IL31RA: variants seen among roughly 807,000 people sequenced by gnomAD.
The protein encoded by IL31RA is interleukin 31 receptor A.
IL31RA carries 66 observed loss-of-function variants against 83.7 expected under a neutral mutation model. The ratio of observed to expected loss-of-function variants is 0.79; its 90% CI spans 0.65 to 0.97. The LOEUF is 0.97. IL31RA is among the 50% of genes least tolerant of loss of function. The pLI, the probability that IL31RA is intolerant of heterozygous loss-of-function variation, is 0.00. For missense variants in IL31RA, 798 were observed against 919.4 expected (o/e 0.87, Z 1.71); for synonymous variants, 325 against 329.0 (o/e 0.99, Z 0.13).
At chr5:55,899,823 T>C in intron 7 of IL31RA, 93 bp from the exon 8 acceptor site, 2 of 834,402 alleles carry the variant, frequency 2.4e-6, no homozygotes, top group East Asian at 5.1e-5. Context: ...TAGTTAGCCT[T>C]ATTCCCCACC....
Position 55,851,482 on chromosome 5 carries a change from C to T in IL31RA, c.-89C>T. The T allele has an allele frequency of 6.2e-7, 1 of 1,612,388 alleles. No homozygotes were observed. The highest frequency in any genetic ancestry group is 8.5e-7 in the Non-Finnish European group (1 of 1,178,836). On this transcript the variant is annotated 5_prime_UTR_variant, in exon 1 of 15. Coordinates refer to ENST00000652347, the MANE Select transcript of IL31RA (RefSeq NM_139017.7). ...AAAAAAATAGTAATAACCAGCATGG[C>T]ACTAAATAGACCATGAAAAGACATG...
upstream of IL31RA, among the ~76,000 whole-genome samples, chr5:55,849,695 C>A (rs142013447): frequency 1.3e-5 from 2 of 152,294 alleles, no homozygotes; most frequent in Non-Finnish European, 2.9e-5. Flanking sequence ...CCTCCTTGAG[C>A]CTGGCGTCTG....
chr5:55,917,190 C>T lies in IL31RA; in HGVS notation c.*70C>T, dbSNP rs900645105. 1.4e-4 allele frequency: 232 copies of T among 1,609,266 alleles called. 2 individuals carry two copies. The highest frequency in any genetic ancestry group is 1.2e-3 in the South Asian group (111 of 90,620). On this transcript the variant is annotated 3_prime_UTR_variant, in exon 15 of 15. Coordinates refer to ENST00000652347, the MANE Select transcript of IL31RA (RefSeq NM_139017.7). ...CCTTGCCAGAGAAGATGTCAAGACT[C>T]GGCACGCAGCGCTTGCTTGGCCCTG...
At chr5:55,902,870 T>C (rs777738673) in intron 8 of IL31RA, among the ~76,000 whole-genome samples, 4 of 152,322 alleles carry the variant, frequency 2.6e-5, no homozygotes, top group Middle Eastern at 3.4e-3. Context: ...CTGTGAGATC[T>C]ATTTTATAGA....
At chr5:55,890,847 G>A (rs908835981) in intron 6 of IL31RA, among the ~76,000 whole-genome samples, 2 of 152,192 alleles carry the variant, frequency 1.3e-5, no homozygotes, top group African/African-American at 4.8e-5. Context: ...TGCTTACTAA[G>A]TGTCAGTATG....
rs1364585562 is a variant in IL31RA at position 55,859,521 on chromosome 5, C to T, written c.76C>T (p.Pro26Ser). The T allele has an allele frequency of 6.2e-7, 1 of 1,613,372 alleles. No homozygotes were observed. Among genetic ancestry groups the T allele is most frequent in the Non-Finnish European group, 8.5e-7 (1 of 1,179,316 alleles). The change falls in exon 2 of 15, where the codon CCT becomes TCT. Residue 26 changes from proline to serine, a missense_variant. Pro to Ser is a moderately conservative substitution (Grantham distance 74). Transcript: ENST00000652347. ...ATGTCATTTTCAGCTCTCTCCCCAGCCTTCATGTGTTAACCTGGGGATGAT... is the reference window on the plus strand; with the variant it reads ...ATGTCATTTTCAGCTCTCTCCCCAGTCTTCATGTGTTAACCTGGGGATGAT... ...ECPQNILSPQ[P>S]SCVNLGMMWT...
At chr5:55,854,842 G>T (rs1347561939) in intron 1 of IL31RA, among the ~76,000 whole-genome samples, 1 of 151,934 alleles carries the variant, frequency 6.6e-6, no homozygotes, top group African/African-American at 2.4e-5. Flanking sequence ...TACCTGAAGG[G>T]TGACAAGAAT....
At position 55,917,086 on chromosome 5, in the gene IL31RA, A is replaced by C. The variant is rs187021031; in HGVS notation, c.2261A>C (p.Glu754Ala). ...ACAGCCAGGGAATTTCTTGTGTCTGAAAAACTTCCAGAGCACACCAAGGGA... is the reference window on the plus strand; with the variant it reads ...ACAGCCAGGGAATTTCTTGTGTCTGCAAAACTTCCAGAGCACACCAAGGGA... ...SVTAREFLVS[E>A]KLPEHTKGEV Residue 754 changes from glutamate to alanine, a missense_variant, in exon 15 of 15, where the codon GAA (glutamate) becomes GCA (alanine). Coordinates refer to ENST00000652347, the MANE Select transcript of IL31RA (RefSeq NM_139017.7). The C allele has an allele frequency of 8.1e-6, 13 of 1,614,204 alleles. No homozygotes were observed. In the Admixed American group the frequency reaches 1.3e-4, roughly 17 times the overall value.
rs181448657 is a variant in IL31RA at position 55,857,565 on chromosome 5, T to C, written c.64-1944T>C. On this transcript the variant is annotated intron_variant, in intron 1 of 14. Transcript: ENST00000652347. ...GCTCATTTCTCTTTTTAGATGCTCT[T>C]TGCGCTCATTTCACTATTGTAACTA... Among the ~76,000 whole-genome samples, 5 of 152,304 alleles carry C rather than the reference T, an allele frequency of 3.3e-5. No homozygotes were observed. In the East Asian group the frequency reaches 9.6e-4, roughly 29 times the overall value.
rs559019824 is a variant in IL31RA at position 55,920,121 on chromosome 5, A to C, written c.*3001A>C. Among the ~76,000 whole-genome samples the C allele has an allele frequency of 6.6e-6, 1 of 152,354 alleles. No homozygotes were observed. The highest frequency in any genetic ancestry group is 1.9e-4 in the East Asian group (1 of 5,194). On this transcript the variant is annotated 3_prime_UTR_variant, in exon 15 of 15. Coordinates refer to ENST00000652347, the MANE Select transcript of IL31RA (RefSeq NM_139017.7). Reference sequence around the variant, plus strand: ...CACAAGTTCCTTCTGGTGTCTTGGGAGGCAGCGGTGTGAAAACACCACGCA... The same window carrying C: ...CACAAGTTCCTTCTGGTGTCTTGGGCGGCAGCGGTGTGAAAACACCACGCA...
chr5:55,904,835 C>CTTTTTTTT (rs10651049), intron 8 of IL31RA, among the ~76,000 whole-genome samples: 1 of 132,892 alleles, frequency 7.5e-6, no homozygotes, highest in African/African-American at 2.8e-5. Flanking sequence ...TTTTGGGTTT[C>CTTTTTTTT]TTTTTTTTTT....
chr5:55,913,645 TAGGAG>T, intron 13 of IL31RA, 75 bp downstream of exon 13: 1 of 886,716 alleles, frequency 1.1e-6, no homozygotes, highest in Middle Eastern at 2.1e-4. Context: ...AGGTGCTTCG[TAGGAG>T]AGGGCACTCT....
At chr5:55,881,660 C>T (rs1432941413) in intron 4 of IL31RA, among the ~76,000 whole-genome samples, 2 of 150,942 alleles carry the variant, frequency 1.3e-5, no homozygotes, top group African/African-American at 2.4e-5. Flanking sequence ...ACCAGTTAAA[C>T]TCTGCCATTT....
intron 4 of IL31RA, among the ~76,000 whole-genome samples, chr5:55,876,406 A>G (rs1049757110): frequency 7.9e-5 from 12 of 152,142 alleles, no homozygotes; most frequent in African/African-American, 2.9e-4. Context: ...TTCCATCTCA[A>G]AAAATATATA....
rs757487538 is a variant in IL31RA, at chr5:55,890,135, G to A, written c.772G>A (p.Ala258Thr). The change falls in exon 6 of 15, where the codon GCT becomes ACT. Residue 258 changes from alanine (A) to threonine (T), a missense_variant and splice_region_variant. Ala to Thr is a moderately conservative substitution (Grantham distance 58). Coordinates refer to ENST00000652347, the MANE Select transcript of IL31RA (RefSeq NM_139017.7). Reference protein sequence around the residue: ...QEKMGMTEEEAPCGLELWRVL... With the variant: ...QEKMGMTEEETPCGLELWRVL... ...AAAAATGGGAATGACTGAGGAAGAA[G>A]GCAAGCTACTCCCTGCGATTCCCGT... 1 of 1,613,652 alleles carries A rather than the reference G, an allele frequency of 6.2e-7. No homozygotes were observed. The highest frequency in any genetic ancestry group is 1.7e-5 in the Admixed American group (1 of 59,996).
rs1199509328 is a variant in IL31RA, at chr5:55,851,561, T to G, written c.-10T>G. ...AGGCAGAGTGTCAGCTTGTTCCACC[T>G]CAGCTGGGAATGTGCATCAGGCAAC... On this transcript the variant is annotated 5_prime_UTR_variant, in exon 1 of 15. Transcript: ENST00000652347. 1 of 1,613,902 alleles carries G rather than the reference T, an allele frequency of 6.2e-7. No homozygotes were observed. The highest frequency in any genetic ancestry group is 8.5e-7 in the Non-Finnish European group (1 of 1,179,906).
chr5:55,858,582 A>G (rs1281243361), intron 1 of IL31RA, among the ~76,000 whole-genome samples: 4 of 152,154 alleles, frequency 2.6e-5, no homozygotes, highest in African/African-American at 7.2e-5. Context: ...GAAATCCTGC[A>G]TGCACATTTT....
chr5:55,882,905 G>A (rs1747330870), intron 4 of IL31RA, 139 bp from the exon 5 acceptor site: 1 of 757,936 alleles, frequency 1.3e-6, no homozygotes, highest in Non-Finnish European at 2.3e-6. Flanking sequence ...CATTCCTTTT[G>A]TACTGCCTTG....
intron 2 of IL31RA, among the ~76,000 whole-genome samples, chr5:55,864,348 C>CAA (rs1471075386): frequency 1.1e-5 from 1 of 87,358 alleles, no homozygotes; most frequent in African/African-American, 4.1e-5. Flanking sequence ...ACTACACACA[C>CAA]ACACACACCA....
Sources: gnomAD v4.1 joint callset for allele counts (sites outside exome capture counted in the v4.1 genomes callset) on GRCh38, gnomAD v4.1.1 for gene constraint, MANE v1.5 for transcripts, NCBI Gene and HGNC (gene_info 2026-07-23, HGNC 2026-07-21) for gene names.